The following LAP3 variants were observed in gnomAD, a reference collection of about 807,000 sequenced individuals.
LAP3 encodes the protein leucine aminopeptidase 3.
A neutral mutation model predicts 58.8 loss-of-function variants in LAP3; 46 were observed. The observed-to-expected ratio is 0.78, with a 90% CI of 0.62 to 1.00. The LOEUF (loss-of-function observed/expected upper bound fraction) is 1.00. Among genes scored for constraint, LAP3 ranks in the 50% least tolerant of loss-of-function variants. LAP3 has a pLI of 0.00. For missense variants in LAP3, 615 were observed against 659.1 expected (o/e 0.93, Z 0.73); for synonymous variants, 257 against 237.7 (o/e 1.08, Z -0.75).
chr4:17,577,613 C>G (rs1202621269), intron 1 of LAP3, 46 bp downstream of exon 1: 1 of 1,429,028 alleles, frequency 7.0e-7, no homozygotes, highest in Non-Finnish European at 9.5e-7. Flanking sequence ...GGGCCCTGCC[C>G]GTGGGCTACT....
rs373133022 is a variant in LAP3 at position 17,581,748 on chromosome 4, C to T, written c.219-12C>T. The T allele has an allele frequency of 2.5e-6, 4 of 1,611,662 alleles. No homozygotes were observed. The highest frequency in any genetic ancestry group is 2.7e-5 in the African/African-American group (2 of 74,966). The stretch of plus-strand genomic sequence containing the variant: ...ATACTTGTTTTAAAACGACTATTTC[C>T]TCTTGTTTTAGATCTGGACCACCTC... On this transcript the variant is annotated splice_polypyrimidine_tract_variant and intron_variant, in intron 2 of 12. Transcript: ENST00000226299.
At chr4:17,601,831 C>T (rs1362622982) in intron 10 of LAP3, among the ~76,000 whole-genome samples, 1 of 152,058 alleles carries the variant, frequency 6.6e-6, no homozygotes, top group African/African-American at 2.4e-5. Flanking sequence ...GCAGCCATCT[C>T]CCCCGCTTCA....
At chr4:17,583,247 A>C (rs554687876) in intron 4 of LAP3, among the ~76,000 whole-genome samples, 2 of 152,314 alleles carry the variant, frequency 1.3e-5, no homozygotes, top group African/African-American at 4.8e-5. Flanking sequence ...GGGAGGAGCT[A>C]TTCATTCTCT....
rs1206158607 is a variant in LAP3, at chr4:17,583,522, T to C, written c.419T>C (p.Val140Ala). ...ATTCAAGACCTGGAGCTCTCGTCTG[T>C]GGAGGTGGATCCCTGTGGAGACGCT... ...RQIQDLELSS[V>A]EVDPCGDAQA... Residue 140 changes from valine (V) to alanine (A), a missense_variant, in exon 5 of 13, where the codon GTG becomes GCG. Coordinates refer to ENST00000226299, the MANE Select transcript of LAP3 (RefSeq NM_015907.3). The C allele has an allele frequency of 6.2e-7, 1 of 1,614,144 alleles. No homozygotes were observed. Among genetic ancestry groups the C allele is most frequent in the Admixed American group, 1.7e-5 (1 of 60,024 alleles).
Position 17,595,465 on chromosome 4 carries a change from G to A in LAP3, c.919G>A (p.Gly307Arg). 6.2e-7 allele frequency: 1 copy of A among 1,613,886 alleles called. No homozygotes were observed. Among genetic ancestry groups the A allele is most frequent in the Non-Finnish European group, 8.5e-7 (1 of 1,179,868 alleles). Residue 307 changes from glycine (G) to arginine (R), a missense_variant, in exon 8 of 13, where the codon GGA becomes AGA. Gly to Arg is a moderately radical substitution (Grantham distance 125). Coordinates refer to ENST00000226299, the MANE Select transcript of LAP3 (RefSeq NM_015907.3). ...TATGGACCTCATGAGGGCTGACATG[G>A]GAGGAGCTGCAACTATATGCTCAGC... The part of the protein sequence containing the change: ...ANMDLMRADM[G>R]GAATICSAIV...
intron 10 of LAP3, 52 bp from the exon 11 acceptor site, chr4:17,604,536 G>A: frequency 4.4e-6 from 6 of 1,356,316 alleles, no homozygotes; most frequent in Non-Finnish European, 6.3e-6. Context: ...TGGCGGAGGA[G>A]CCCATTTTGC....
intron 6 of LAP3, among the ~76,000 whole-genome samples, chr4:17,588,400 C>T (rs1713586953): frequency 6.6e-6 from 1 of 152,190 alleles, no homozygotes; most frequent in South Asian, 2.1e-4. Context: ...TCACCTCAGC[C>T]TTCCAAAGTG....
chr4:17,586,529 C>T (rs1279301406), intron 6 of LAP3, among the ~76,000 whole-genome samples: 1 of 152,086 alleles, frequency 6.6e-6, no homozygotes, highest in Non-Finnish European at 1.5e-5. Flanking sequence ...CTCTGGTGTG[C>T]CTGGAATTTA....
intron 12 of LAP3, 105 bp downstream of exon 12, chr4:17,607,043 C>T (rs1714159497): frequency 4.4e-6 from 3 of 688,780 alleles, no homozygotes; most frequent in Non-Finnish European, 4.8e-6. Flanking sequence ...TATTTAATTT[C>T]CTTTTGGTGT....
chr4:17,600,034 A>T (rs1014564927), intron 10 of LAP3, among the ~76,000 whole-genome samples: 1 of 152,224 alleles, frequency 6.6e-6, no homozygotes, highest in Non-Finnish European at 1.5e-5. Flanking sequence ...TCCTAAAGGG[A>T]TGACAAACAA....
At chr4:17,602,107 G>A (rs1442918483) in intron 10 of LAP3, among the ~76,000 whole-genome samples, 1 of 152,204 alleles carries the variant, frequency 6.6e-6, no homozygotes, top group Non-Finnish European at 1.5e-5. Context: ...ATTGCCCCCA[G>A]TTTCAGTGCT....
intron 6 of LAP3, chr4:17,585,669 C>T (rs1412475544): frequency 6.6e-6 from 1 of 152,650 alleles, no homozygotes; most frequent in Admixed American, 6.5e-5. Flanking sequence ...AGCAATCTCA[C>T]CTTTTCCTCC....
chr4:17,597,125 G>T lies in LAP3; in HGVS notation c.1068G>T (p.Lys356Asn). ...ATGTTGTTAGAGCCAAAAACGGGAA[G>T]ACCATCCAGGTTTGTAAATGTGAGA... ...PGDVVRAKNG[K>N]TIQVDNTDAE... The change falls in exon 9 of 13, where the codon AAG becomes AAT. Residue 356 changes from lysine (K) to asparagine (N), a missense_variant. Lys to Asn is a moderately conservative substitution (Grantham distance 94). Transcript: ENST00000226299. 2 of 1,614,150 alleles carry T rather than the reference G, an allele frequency of 1.2e-6. No individual in the cohort carries two copies. Among genetic ancestry groups the T allele is most frequent in the Non-Finnish European group, 1.7e-6 (2 of 1,179,972 alleles).
intron 6 of LAP3, 197 bp downstream of exon 6, chr4:17,585,333 G>A (rs1713481285): frequency 1.9e-6 from 1 of 525,896 alleles, no homozygotes; most frequent in South Asian, 2.3e-5. Flanking sequence ...TTGAGAGAGA[G>A]AGTGCCATGA....
intron 7 of LAP3, among the ~76,000 whole-genome samples, chr4:17,593,411 CA>C (rs994713671): frequency 1.7e-4 from 26 of 151,878 alleles, no homozygotes; most frequent in African/African-American, 6.3e-4. Flanking sequence ...GGGTGGAAAT[CA>C]GTTGTCCATA....
At chr4:17,583,177 A>G (rs1713408980) in intron 4 of LAP3, among the ~76,000 whole-genome samples, 1 of 152,174 alleles carries the variant, frequency 6.6e-6, no homozygotes, top group Non-Finnish European at 1.5e-5. Context: ...TCAGGAAATC[A>G]TAGTGTTTCA....
chr4:17,587,423 G>GCC (rs1431623733), intron 6 of LAP3: 4 of 85,664 alleles, frequency 4.7e-5, no homozygotes, highest in African/African-American at 2.1e-4. Flanking sequence ...CAGCCTTGTT[G>GCC]TTGTTGTTTT....
Position 17,607,770 on chromosome 4 carries a change from AAAGTT to A in LAP3, c.*184_*188del, listed in dbSNP as rs1464894118. On this transcript the variant is annotated 3_prime_UTR_variant, in exon 13 of 13. Transcript: ENST00000226299. ...ATTTCACACAAAGATTTATAAAGGTAAAGTTAATATCTTACTTGATAAGGATTTTT... is the reference window on the plus strand; with the variant it reads ...ATTTCACACAAAGATTTATAAAGGTAAATATCTTACTTGATAAGGATTTTT... 11 of 513,896 alleles carry A rather than the reference AAAGTT, an allele frequency of 2.1e-5. No homozygotes were observed. Among genetic ancestry groups the A allele is most frequent in the Non-Finnish European group, 1.4e-5 (4 of 295,602 alleles). The allele number at this position is 513,896 out of a possible 1,614,324, so 31.8% of individuals were successfully genotyped here. A position where few individuals can be genotyped will look rare whatever the true frequency, so the allele number is the denominator to read the frequency against.
chr4:17,583,364 C>T (rs1436352231), intron 4 of LAP3, 119 bp from the exon 5 acceptor site: 3 of 1,024,972 alleles, frequency 2.9e-6, no homozygotes, highest in Non-Finnish European at 2.9e-6. Flanking sequence ...ATTCGGGTAT[C>T]AGGGCTGGGA....
Sources: gnomAD v4.1 joint callset for allele counts (sites outside exome capture counted in the v4.1 genomes callset) on GRCh38, gnomAD v4.1.1 for gene constraint, MANE v1.5 for transcripts, NCBI Gene and HGNC (gene_info 2026-07-23, HGNC 2026-07-21) for gene names.